The following HOXD4 variants were observed in gnomAD, a reference collection of about 807,000 sequenced individuals.
HOXD4 encodes homeobox D4.
HOXD4 carries 15 observed loss-of-function variants against 22.6 expected under a neutral mutation model. The observed-to-expected ratio is 0.67, with a 90% CI of 0.45 to 1.02. The LOEUF (loss-of-function observed/expected upper bound fraction) is 1.02. Ranked by LOEUF, HOXD4 falls within the 50% of genes least tolerant of loss-of-function variation. The pLI, the probability that HOXD4 is intolerant of heterozygous loss-of-function variation, is 0.00. For missense variants in HOXD4, 350 were observed against 346.6 expected (o/e 1.01, Z -0.08); for synonymous variants, 176 against 157.0 (o/e 1.12, Z -0.90).
Position 176,152,987 on chromosome 2 carries a change from C to A in HOXD4, c.*45C>A, listed in dbSNP as rs1278308804. 1.3e-6 allele frequency: 2 copies of A among 1,585,666 alleles called. No homozygotes were observed. The highest frequency in any genetic ancestry group is 1.7e-5 in the Admixed American group (1 of 59,990). On this transcript the variant is annotated 3_prime_UTR_variant, in exon 2 of 2. Transcript: ENST00000306324. The surrounding 1 kb of genome is among the most constrained non-coding windows in gnomAD (Gnocchi z 5.2). ...ATCTCTCCCTGCGCACCAGGCTGAG[C>A]CGAAGCTGCGGGGGCAGGCCGGGCC...
rs982454706 is a variant in HOXD4 at position 176,152,694 on chromosome 2, C to G, written c.520C>G (p.His174Asp). The G allele has an allele frequency of 6.2e-7, 1 of 1,614,058 alleles. No homozygotes were observed. The highest frequency in any genetic ancestry group is 8.5e-7 in the Non-Finnish European group (1 of 1,180,032). Residue 174 changes from histidine to aspartate, a missense_variant, in exon 2 of 2, where the codon CAT becomes GAT. Transcript: ENST00000306324. This position sits in a 1 kb window ranked among gnomAD's most constrained non-coding sequence, Gnocchi z 5.2. ...AGTCCTAGAACTGGAAAAAGAATTT[C>G]ATTTTAACAGGTATCTGACAAGGCG... ...QQVLELEKEF[H>D]FNRYLTRRRR...
Position 176,152,184 on chromosome 2 carries a change from C to T in HOXD4, c.433+118C>T, listed in dbSNP as rs1300154669. On this transcript the variant is annotated intron_variant, in intron 1 of 1. Transcript: ENST00000306324. This position sits in a 1 kb window ranked among gnomAD's most constrained non-coding sequence, Gnocchi z 5.2. The stretch of plus-strand genomic sequence containing the variant: ...AGCTTCCATGGGCGCCGCAATTACT[C>T]TCCCCATAAATTTTTATAGCTGAGG... The T allele has an allele frequency of 6.8e-6, 6 of 878,536 alleles. No individual in the cohort carries two copies. The highest frequency in any genetic ancestry group is 1.1e-5 in the Non-Finnish European group (6 of 535,740). The allele number at this position is 878,536 out of a possible 1,614,324, so 54.4% of individuals were successfully genotyped here. A position where few individuals can be genotyped will look rare whatever the true frequency, so the allele number is the denominator to read the frequency against.
rs149263765 is a variant in HOXD4, at chr2:176,152,036, C to A, written c.403C>A (p.Pro135Thr). The A allele has an allele frequency of 1.2e-6, 2 of 1,613,552 alleles. No homozygotes were observed. The highest frequency in any genetic ancestry group is 2.7e-5 in the African/African-American group (2 of 75,040). ...ACTCAAGCAGCCGGCCGTGGTCTACCCCTGGATGAAGAAGGTGCACGTGAA... is the reference window on the plus strand; with the variant it reads ...ACTCAAGCAGCCGGCCGTGGTCTACACCTGGATGAAGAAGGTGCACGTGAA... ...TALKQPAVVYPWMKKVHVNSV... is the reference protein window; with the variant it reads ...TALKQPAVVYTWMKKVHVNSV... Residue 135 changes from proline (P) to threonine (T), a missense_variant, in exon 1 of 2, where the codon CCC becomes ACC. By Grantham distance (38) the Pro-to-Thr change is conservative. Transcript: ENST00000306324. This position sits in a 1 kb window ranked among gnomAD's most constrained non-coding sequence, Gnocchi z 5.2.
In HOXD4 at chr2:176,152,508, C is replaced by G. The variant is rs1248279236; in HGVS notation, c.434-100C>G. 3.9e-6 allele frequency: 4 copies of G among 1,019,390 alleles called. No homozygotes were observed. The highest frequency in any genetic ancestry group is 1.6e-5 in the African/African-American group (1 of 63,450). The allele number at this position is 1,019,390 out of a possible 1,614,324, so 63.1% of individuals were successfully genotyped here. On this transcript the variant is annotated intron_variant, in intron 1 of 1. Coordinates refer to ENST00000306324, the MANE Select transcript of HOXD4 (RefSeq NM_014621.3). The surrounding 1 kb of genome is among the most constrained non-coding windows in gnomAD (Gnocchi z 5.2). ...CGAGCTTGGGAGCGCGCGGGGAGGG[C>G]CGCGGGCCTCGGGGCGCGCCAGGAA...
In HOXD4 at chr2:176,152,760, C is replaced by A; in HGVS notation, c.586C>A (p.Arg196Ser). The change falls in exon 2 of 2, where the codon CGC (arginine) becomes AGC (serine). Residue 196 changes from arginine to serine, a missense_variant. By Grantham distance (110) the Arg-to-Ser change is moderately radical. Transcript: ENST00000306324. The surrounding 1 kb of genome is among the most constrained non-coding windows in gnomAD (Gnocchi z 5.2). ...EIAHTLCLSE[R>S]QIKIWFQNRR... ...CGCTCACACCCTGTGTCTGTCGGAGCGCCAGATCAAGATCTGGTTCCAGAA... is the reference window on the plus strand; with the variant it reads ...CGCTCACACCCTGTGTCTGTCGGAGAGCCAGATCAAGATCTGGTTCCAGAA... The A allele has an allele frequency of 6.2e-7, 1 of 1,614,152 alleles. No individual in the cohort carries two copies. Among genetic ancestry groups the A allele is most frequent in the Non-Finnish European group, 8.5e-7 (1 of 1,180,028 alleles).
rs1369561218 is a variant in HOXD4 at position 176,153,171 on chromosome 2, G to A, written c.*229G>A. 1 of 572,856 alleles carries A rather than the reference G, an allele frequency of 1.7e-6. No homozygotes were observed. The highest frequency in any genetic ancestry group is 3.1e-6 in the Non-Finnish European group (1 of 320,486). 35.5% of individuals were successfully genotyped at this position (572,856 alleles called of 1,614,324 possible). On this transcript the variant is annotated 3_prime_UTR_variant, in exon 2 of 2. Coordinates refer to ENST00000306324, the MANE Select transcript of HOXD4 (RefSeq NM_014621.3). ...GATTCTCTCTCTAAGTATATTATAT[G>A]GCAGGAGCTACTGAGAACATAAAAT...
At position 176,151,845 on chromosome 2, in the gene HOXD4, C is replaced by T. The variant is rs1241972255; in HGVS notation, c.212C>T (p.Ser71Leu). Residue 71 changes from serine to leucine, a missense_variant, in exon 1 of 2, where the codon TCG becomes TTG. Transcript: ENST00000306324. Reference protein sequence around the residue: ...PFGGSGPGPGSALPARGHGQE... With the variant: ...PFGGSGPGPGLALPARGHGQE... ...GGAGGCAGCGGCCCCGGGCCTGGCT[C>T]GGCGCTGCCTGCGCGGGGTCACGGA... The T allele has an allele frequency of 2.5e-6, 4 of 1,595,748 alleles. No homozygotes were observed. Among genetic ancestry groups the T allele is most frequent in the African/African-American group, 1.3e-5 (1 of 74,542 alleles).
In HOXD4 at chr2:176,152,718, C is replaced by A; in HGVS notation, c.544C>A (p.Arg182Ser). ...TCATTTTAACAGGTATCTGACAAGG[C>A]GCCGTCGGATTGAAATCGCTCACAC... is the stretch of plus-strand genomic sequence containing the variant. ...EFHFNRYLTR[R>S]RRIEIAHTLC... The change falls in exon 2 of 2, where the codon CGC (arginine) becomes AGC (serine). Residue 182 changes from arginine to serine, a missense_variant. By Grantham distance (110) the Arg-to-Ser change is moderately radical. Transcript: ENST00000306324. The surrounding 1 kb of genome is among the most constrained non-coding windows in gnomAD (Gnocchi z 5.2). The A allele has an allele frequency of 6.2e-7, 1 of 1,614,176 alleles. No homozygotes were observed. The highest frequency in any genetic ancestry group is 8.5e-7 in the Non-Finnish European group (1 of 1,180,012).
chr2:176,151,824 G>A lies in HOXD4; in HGVS notation c.191G>A (p.Gly64Asp). Residue 64 changes from glycine to aspartate, a missense_variant, in exon 1 of 2, where the codon GGC (glycine) becomes GAC (aspartate). By Grantham distance (94) the Gly-to-Asp change is moderately conservative (BLOSUM62 -1). Coordinates refer to ENST00000306324, the MANE Select transcript of HOXD4 (RefSeq NM_014621.3). The part of the protein sequence containing the change: ...RPDFGEQPFG[G>D]SGPGPGSALP... Reference sequence around the variant, plus strand: ...GACTTCGGTGAGCAGCCTTTCGGAGGCAGCGGCCCCGGGCCTGGCTCGGCG... The same window carrying A: ...GACTTCGGTGAGCAGCCTTTCGGAGACAGCGGCCCCGGGCCTGGCTCGGCG... 4.4e-6 allele frequency: 7 copies of A among 1,606,564 alleles called. No individual in the cohort carries two copies. Among genetic ancestry groups the A allele is most frequent in the Non-Finnish European group, 5.9e-6 (7 of 1,176,646 alleles).
rs770567235 is a variant in HOXD4, at chr2:176,152,932, C to T, written c.758C>T (p.Thr253Met). The change falls in exon 2 of 2, where the codon ACG (threonine) becomes ATG (methionine). Residue 253 changes from threonine (T) to methionine (M), a missense_variant. Physicochemically the swap from Thr to Met is moderately conservative, Grantham distance 81. Coordinates refer to ENST00000306324, the MANE Select transcript of HOXD4 (RefSeq NM_014621.3). The surrounding 1 kb of genome is among the most constrained non-coding windows in gnomAD (Gnocchi z 5.2). ...PMAKDHHTDLTTL is the reference protein window; with the variant it reads ...PMAKDHHTDLMTL The stretch of plus-strand genomic sequence containing the variant: ...GCCAAAGACCACCACACGGACCTGA[C>T]GACCTTATAGAAGTGGGGACCCTGG... The T allele has an allele frequency of 3.0e-5, 49 of 1,614,024 alleles. No homozygotes were observed. The highest frequency in any genetic ancestry group is 3.8e-5 in the Non-Finnish European group (45 of 1,179,992).
In HOXD4 at chr2:176,151,579, A is replaced by C. The variant is rs1690518362; in HGVS notation, c.-55A>C. 26 of 1,504,786 alleles carry C rather than the reference A, an allele frequency of 1.7e-5. No homozygotes were observed. Among genetic ancestry groups the C allele is most frequent in the Non-Finnish European group, 2.4e-5 (26 of 1,082,858 alleles). The allele number at this position is 1,504,786 out of a possible 1,614,324, so 93.2% of individuals were successfully genotyped here. ...GACAGCAAGTAGGAGGGCCCTATGG[A>C]AGGAGAAAAAAAGACAACACGAGAA... On this transcript the variant is annotated 5_prime_UTR_variant, in exon 1 of 2. Coordinates refer to ENST00000306324, the MANE Select transcript of HOXD4 (RefSeq NM_014621.3).
chr2:176,152,526 G>A lies in HOXD4; in HGVS notation c.434-82G>A. 8.1e-7 allele frequency: 1 copy of A among 1,235,396 alleles called. No individual in the cohort carries two copies. Among genetic ancestry groups the A allele is most frequent in the Non-Finnish European group, 1.2e-6 (1 of 846,762 alleles). 76.5% of individuals were successfully genotyped at this position (1,235,396 alleles called of 1,614,324 possible). A position where few individuals can be genotyped will look rare whatever the true frequency, so the allele number is the denominator to read the frequency against. ...GGGAGGGCCGCGGGCCTCGGGGCGC[G>A]CCAGGAAGTGAGCGGCGGAGGCGAG... On this transcript the variant is annotated intron_variant, in intron 1 of 1. Transcript: ENST00000306324. The surrounding 1 kb of genome is among the most constrained non-coding windows in gnomAD (Gnocchi z 5.2).
chr2:176,152,614 C>G lies in HOXD4; in HGVS notation c.440C>G (p.Pro147Arg). The G allele has an allele frequency of 6.2e-7, 1 of 1,613,950 alleles. No homozygotes were observed. The highest frequency in any genetic ancestry group is 8.5e-7 in the Non-Finnish European group (1 of 1,179,882). The change falls in exon 2 of 2, where the codon CCC (proline) becomes CGC (arginine). Residue 147 changes from proline (P) to arginine (R), a missense_variant. Physicochemically the swap from Pro to Arg is moderately radical, Grantham distance 103. Transcript: ENST00000306324. This position sits in a 1 kb window ranked among gnomAD's most constrained non-coding sequence, Gnocchi z 5.2. ...TGTCTGTTTTGTCTCGCAGTGAACC[C>G]CAACTACACCGGTGGGGAACCCAAG... ...MKKVHVNSVN[P>R]NYTGGEPKRS...
rs978935844 is a variant in HOXD4 at position 176,151,928 on chromosome 2, C to A, written c.295C>A (p.Pro99Thr). 1 of 1,604,166 alleles carries A rather than the reference C, an allele frequency of 6.2e-7. No homozygotes were observed. The highest frequency in any genetic ancestry group is 8.5e-7 in the Non-Finnish European group (1 of 1,175,284). Residue 99 changes from proline to threonine, a missense_variant, in exon 1 of 2, where the codon CCC (proline) becomes ACC (threonine). Pro to Thr is a conservative substitution (Grantham distance 38). Transcript: ENST00000306324. ...YAAPGEPCPAPPAPPPAPLPG... is the reference protein window; with the variant it reads ...YAAPGEPCPATPAPPPAPLPG... ...CGCTCCAGGAGAGCCTTGCCCAGCT[C>A]CCCCGGCGCCTCCGCCGGCGCCCCT...
chr2:176,153,131 T>TGGGAG lies in HOXD4; in HGVS notation c.*193_*197dup. 2.9e-6 allele frequency: 1 copy of TGGGAG among 347,152 alleles called. No individual in the cohort carries two copies. Among genetic ancestry groups the TGGGAG allele is most frequent in the Non-Finnish European group, 5.7e-6 (1 of 175,956 alleles). 21.5% of individuals were successfully genotyped at this position (347,152 alleles called of 1,614,324 possible). The stretch of plus-strand genomic sequence containing the variant: ...CCCCCTCCCTAGAGCGGGATGGGGA[T>TGGGAG]GGGAGGGGGGGCGGGATTCTCTCTC... On this transcript the variant is annotated 3_prime_UTR_variant, in exon 2 of 2. Coordinates refer to ENST00000306324, the MANE Select transcript of HOXD4 (RefSeq NM_014621.3).
rs1690576339 is a variant in HOXD4, at chr2:176,153,023, T to C, written c.*81T>C. 1 of 1,358,614 alleles carries C rather than the reference T, an allele frequency of 7.4e-7. No individual in the cohort carries two copies. The highest frequency in any genetic ancestry group is 1.0e-6 in the Non-Finnish European group (1 of 952,564). 84.2% of individuals were successfully genotyped at this position (1,358,614 alleles called of 1,614,324 possible). A position where few individuals can be genotyped will look rare whatever the true frequency, so the allele number is the denominator to read the frequency against. On this transcript the variant is annotated 3_prime_UTR_variant, in exon 2 of 2. Coordinates refer to ENST00000306324, the MANE Select transcript of HOXD4 (RefSeq NM_014621.3). ...GGGGCAGGCCGGGCCTGCTGTCACC[T>C]CGCTGGGCTCTAAGGTACTGTGGGG...
chr2:176,151,781 G>A lies in HOXD4; in HGVS notation c.148G>A (p.Gly50Arg). 2 of 1,612,448 alleles carry A rather than the reference G, an allele frequency of 1.2e-6. No individual in the cohort carries two copies. Among genetic ancestry groups the A allele is most frequent in the Non-Finnish European group, 1.7e-6 (2 of 1,179,698 alleles). Residue 50 changes from glycine to arginine, a missense_variant, in exon 1 of 2, where the codon GGG becomes AGG. Coordinates refer to ENST00000306324, the MANE Select transcript of HOXD4 (RefSeq NM_014621.3). ...GAQGADFQPP[G>R]LYPRPDFGEQ... ...GCAGGGCGCAGACTTCCAGCCCCCG[G>A]GGCTCTACCCACGGCCCGACTTCGG...
chr2:176,151,562 GT>G lies in HOXD4; in HGVS notation c.-71del, dbSNP rs1690517686. On this transcript the variant is annotated 5_prime_UTR_variant, in exon 1 of 2. Transcript: ENST00000306324. ...CCCAACTTTATTCAGTTGACAGCAA[GT>G]AGGAGGGCCCTATGGAAGGAGAAAA... 1 of 1,359,520 alleles carries G rather than the reference GT, an allele frequency of 7.4e-7. No individual in the cohort carries two copies. Among genetic ancestry groups the G allele is most frequent in the Non-Finnish European group, 1.0e-6 (1 of 952,630 alleles). 84.2% of individuals were successfully genotyped at this position (1,359,520 alleles called of 1,614,324 possible). A position where few individuals can be genotyped will look rare whatever the true frequency, so the allele number is the denominator to read the frequency against.
Position 176,151,805 on chromosome 2 carries a change from G to C in HOXD4, c.172G>C (p.Gly58Arg). The change falls in exon 1 of 2, where the codon GGT becomes CGT. Residue 58 changes from glycine (G) to arginine (R), a missense_variant. Gly to Arg is a moderately radical substitution (Grantham distance 125). Transcript: ENST00000306324. Reference sequence around the variant, plus strand: ...GGGGCTCTACCCACGGCCCGACTTCGGTGAGCAGCCTTTCGGAGGCAGCGG... The same window carrying C: ...GGGGCTCTACCCACGGCCCGACTTCCGTGAGCAGCCTTTCGGAGGCAGCGG... ...PPGLYPRPDF[G>R]EQPFGGSGPG... 1 of 1,610,868 alleles carries C rather than the reference G, an allele frequency of 6.2e-7. No homozygotes were observed. Among genetic ancestry groups the C allele is most frequent in the Non-Finnish European group, 8.5e-7 (1 of 1,178,884 alleles).
Sources: gnomAD v4.1 joint callset for allele counts on GRCh38, gnomAD v4.1.1 for gene constraint, Gnocchi (gnomAD v3.1) non-coding constraint, MANE v1.5 for transcripts, NCBI Gene and HGNC (gene_info 2026-07-23, HGNC 2026-07-21) for gene names.